Variants in ZCCHC14 observed in about 807,000 individuals in gnomAD.
ZCCHC14 encodes zinc finger CCHC-type containing 14.
A neutral mutation model predicts 85.0 loss-of-function variants in ZCCHC14; 16 were observed. The observed-to-expected ratio is 0.19, with a 90% CI of 0.13 to 0.29. ZCCHC14 has a LOEUF of 0.29. ZCCHC14 is among the 10% of genes least tolerant of loss of function. The pLI is 1.00. For missense variants in ZCCHC14, 1,303 were observed against 1,443.5 expected, an observed-to-expected ratio of 0.90 and a Z score of 1.58; for synonymous variants, 775 against 630.7, an observed-to-expected ratio of 1.23 and a Z score of -3.43.
intron 2 of ZCCHC14, among the ~76,000 whole-genome samples, chr16:87,441,580 G>T (rs985223705): frequency 1.8e-4 from 28 of 152,128 alleles, no homozygotes; most frequent in Non-Finnish European, 3.7e-4. Flanking sequence ...TCCAGAGTAA[G>T]AACACAAAAC....
intron 1 of ZCCHC14, among the ~76,000 whole-genome samples, chr16:87,487,643 T>G (rs1567547044): frequency 1.3e-5 from 2 of 152,338 alleles, no homozygotes; most frequent in South Asian, 2.1e-4. Context: ...GAGGATGCGC[T>G]AAGTGTTAGG....
chr16:87,442,845 T>G (rs1334851145), intron 2 of ZCCHC14, among the ~76,000 whole-genome samples: 2 of 152,132 alleles, frequency 1.3e-5, no homozygotes, highest in African/African-American at 2.4e-5. Context: ...CAGAAGAAAG[T>G]AGAATCATAT....
chr16:87,445,142 C>G (rs1226355943), intron 2 of ZCCHC14, among the ~76,000 whole-genome samples: 1 of 151,366 alleles, frequency 6.6e-6, no homozygotes, highest in Admixed American at 6.6e-5. Flanking sequence ...TATCAGCTCA[C>G]TGCAACCTCT....
intron 4 of ZCCHC14, among the ~76,000 whole-genome samples, chr16:87,423,345 C>A (rs1477831724): frequency 1.3e-5 from 2 of 152,082 alleles, no homozygotes; most frequent in Admixed American, 1.3e-4. Flanking sequence ...GATGGTACCA[C>A]CACAACCCAG....
chr16:87,482,140 G>C (rs1174803983), intron 1 of ZCCHC14, among the ~76,000 whole-genome samples: 1 of 152,172 alleles, frequency 6.6e-6, no homozygotes, highest in Non-Finnish European at 1.5e-5. Context: ...GCAAACTTTG[G>C]GGGAAACATG....
intron 2 of ZCCHC14, among the ~76,000 whole-genome samples, chr16:87,439,616 T>C (rs1331010104): frequency 6.6e-6 from 1 of 152,230 alleles, no homozygotes; most frequent in Non-Finnish European, 1.5e-5. Flanking sequence ...TTACACATTA[T>C]ATACATATAT....
chr16:87,489,866 A>G (rs1183627286), intron 1 of ZCCHC14, among the ~76,000 whole-genome samples: 1 of 152,220 alleles, frequency 6.6e-6, no homozygotes, highest in African/African-American at 2.4e-5. Context: ...CTCACACATT[A>G]AGAATCCCCT....
intron 3 of ZCCHC14, among the ~76,000 whole-genome samples, chr16:87,428,360 G>A (rs960399552): frequency 6.6e-5 from 10 of 152,294 alleles, no homozygotes; most frequent in Non-Finnish European, 1.2e-4. Flanking sequence ...TTGCCATACT[G>A]TCGGCAACAG....
At chr16:87,413,381 C>T (rs537715881) in intron 10 of ZCCHC14, among the ~76,000 whole-genome samples, 186 bp from the exon 11 acceptor site, 52 of 152,344 alleles carry the variant, frequency 3.4e-4, no homozygotes, top group African/African-American at 1.1e-3. Flanking sequence ...CAAATGGCAG[C>T]GATGCTCAAC....
chr16:87,457,076 G>A (rs980711082), intron 2 of ZCCHC14, among the ~76,000 whole-genome samples: 1 of 152,298 alleles, frequency 6.6e-6, no homozygotes, highest in East Asian at 1.9e-4. Context: ...AGAGTGCACC[G>A]CAGTTCTCAG....
intron 3 of ZCCHC14, among the ~76,000 whole-genome samples, chr16:87,430,722 A>C (rs529962029): frequency 6.6e-6 from 1 of 151,168 alleles, no homozygotes; most frequent in Non-Finnish European, 1.5e-5. Flanking sequence ...GGGTTTCACC[A>C]TGTTGGCTAG....
intron 3 of ZCCHC14, among the ~76,000 whole-genome samples, chr16:87,428,108 G>A (rs745867739): frequency 1.1e-4 from 16 of 152,074 alleles, no homozygotes; most frequent in Non-Finnish European, 1.8e-4. Flanking sequence ...CCTCAGCAAC[G>A]AGGAACTAGC....
chr16:87,438,316 T>C (rs988781129), intron 2 of ZCCHC14, among the ~76,000 whole-genome samples: 2 of 152,290 alleles, frequency 1.3e-5, no homozygotes, highest in Non-Finnish European at 2.9e-5. Context: ...TTTTCCTTTC[T>C]ATGCATGTAC....
intron 2 of ZCCHC14, among the ~76,000 whole-genome samples, chr16:87,444,165 A>G (rs930550155): frequency 1.3e-5 from 2 of 152,158 alleles, no homozygotes; most frequent in Non-Finnish European, 2.9e-5. Context: ...ACAGCATCAG[A>G]TTTTGGCTTC....
At position 87,414,502 on chromosome 16, in the gene ZCCHC14, C is replaced by T. The variant is rs146794894; in HGVS notation, c.1515G>A (p.Pro505=). ...SERRCLNPSA[P]PLVTSSGVAR... ...CCACACCACTGCTGGTGACCAGCGG[C>T]GGGGCCGAGGGGTTCAGGCACCGTC... Residue 505 remains proline, a synonymous_variant, in exon 10 of 13, where the codon CCG becomes CCA. Coordinates refer to ENST00000671377, the MANE Select transcript of ZCCHC14 (RefSeq NM_015144.3). 3.6e-4 allele frequency: 588 copies of T among 1,613,082 alleles called. 1 individual carries two copies. The highest frequency in any genetic ancestry group is 5.7e-4 in the South Asian group (52 of 91,004).
At chr16:87,489,922 G>A (rs1912676022) in intron 1 of ZCCHC14, among the ~76,000 whole-genome samples, 1 of 151,464 alleles carries the variant, frequency 6.6e-6, no homozygotes, top group Non-Finnish European at 1.5e-5. Flanking sequence ...AATTATTAGT[G>A]GGTGGAATCT....
chr16:87,427,604 G>A (rs1839500754), intron 3 of ZCCHC14, among the ~76,000 whole-genome samples: 1 of 151,996 alleles, frequency 6.6e-6, no homozygotes, highest in African/African-American at 2.4e-5. Flanking sequence ...TTTAAAGGAT[G>A]GTTTAATAAG....
chr16:87,485,545 T>C (rs1912476002), intron 1 of ZCCHC14, among the ~76,000 whole-genome samples: 1 of 147,952 alleles, frequency 6.8e-6, no homozygotes, highest in South Asian at 2.1e-4. Context: ...GCTACACTTC[T>C]TACTTAAACT....
intron 1 of ZCCHC14, among the ~76,000 whole-genome samples, chr16:87,484,001 C>T (rs1036935116): frequency 6.6e-6 from 1 of 152,188 alleles, no homozygotes; most frequent in African/African-American, 2.4e-5. Flanking sequence ...TCTTTATGGA[C>T]TGACAGAGAA....
Sources: gnomAD v4.1 joint callset for allele counts (sites outside exome capture counted in the v4.1 genomes callset) on GRCh38, gnomAD v4.1.1 for gene constraint, MANE v1.5 for transcripts, NCBI Gene and HGNC (gene_info 2026-07-23, HGNC 2026-07-21) for gene names.